The following NDUFB2 variants were observed in gnomAD, a reference collection of about 807,000 sequenced individuals.
The protein encoded by NDUFB2 is NADH dehydrogenase [ubiquinone] 1 beta subcomplex subunit 2, mitochondrial.
Under a neutral mutation model 13.4 loss-of-function variants are expected in NDUFB2, and 13 were observed. The observed-to-expected ratio is 0.97, with a 90% CI of 0.63 to 1.54. The LOEUF is 1.54. Ranked by LOEUF, NDUFB2 falls within the 40% of genes most tolerant of loss-of-function variation. The pLI, the probability that NDUFB2 is intolerant of heterozygous loss-of-function variation, is 0.00. For synonymous variants in NDUFB2, 47 were observed against 50.6 expected, an observed-to-expected ratio of 0.93 and a Z score of 0.30; for missense variants, 150 against 139.7, an observed-to-expected ratio of 1.07 and a Z score of -0.37.
In NDUFB2 at chr7:140,702,975, C is replaced by G; in HGVS notation, c.208C>G (p.Leu70Val). 3.1e-6 allele frequency: 5 copies of G among 1,613,914 alleles called. No homozygotes were observed. The highest frequency in any genetic ancestry group is 4.2e-6 in the Non-Finnish European group (5 of 1,180,014). Residue 70 changes from leucine to valine, a missense_variant, in exon 2 of 4, where the codon CTC becomes GTC. Transcript: ENST00000247866. ...CAGCGGACTCATGTGGTTCTGGATTCTCTGGCGCTTTTGGCATGACTCAGA... is the reference window on the plus strand; with the variant it reads ...CAGCGGACTCATGTGGTTCTGGATTGTCTGGCGCTTTTGGCATGACTCAGA... ...FFSGLMWFWI[L>V]WRFWHDSEEV...
intron 2 of NDUFB2, 65 bp downstream of exon 2, chr7:140,703,075 G>GT (rs753804050): frequency 6.3e-7 from 1 of 1,583,048 alleles, no homozygotes; most frequent in Non-Finnish European, 8.6e-7. Flanking sequence ...TTAATAGCTT[G>GT]TTTATTTTTC....
intron 1 of NDUFB2, chr7:140,697,406 A>G (rs368702585): frequency 2.6e-5 from 18 of 702,766 alleles, no homozygotes; most frequent in African/African-American, 1.9e-4. Context: ...GAGGAGCAGA[A>G]AGCCGGAAGC....
intron 1 of NDUFB2, among the ~76,000 whole-genome samples, chr7:140,702,253 TATA>T (rs1413632599): frequency 6.6e-6 from 1 of 152,236 alleles, no homozygotes; most frequent in Non-Finnish European, 1.5e-5. Flanking sequence ...AGATGCAACG[TATA>T]ATATTTATAC....
intron 1 of NDUFB2, chr7:140,700,991 G>A (rs1794889706): frequency 2.0e-5 from 3 of 151,978 alleles, no homozygotes; most frequent in Non-Finnish European, 4.4e-5. Context: ...ACTTAAAAAA[G>A]TACATATATA....
chr7:140,703,069 T>C (rs1375603727), intron 2 of NDUFB2, 59 bp downstream of exon 2: 1 of 1,583,600 alleles, frequency 6.3e-7, no homozygotes, highest in Non-Finnish European at 8.6e-7. Context: ...GATGTATTAA[T>C]AGCTTGTTTA....
chr7:140,706,050 TATG>T (rs770327631), intron 3 of NDUFB2: 258 of 146,188 alleles, frequency 1.8e-3, no homozygotes, highest in African/African-American at 5.8e-3. Context: ...TATGTTATGT[TATG>T]TTATGTTTTA....
chr7:140,702,768 CATT>C (rs1310050825), intron 1 of NDUFB2, 95 bp from the exon 2 acceptor site: 5 of 1,344,454 alleles, frequency 3.7e-6, no homozygotes, highest in Middle Eastern at 2.7e-4. Flanking sequence ...AGATGAGAAA[CATT>C]AGCGTTGGTT....
intron 2 of NDUFB2, 26 bp downstream of exon 2, chr7:140,703,036 C>G: frequency 6.2e-7 from 1 of 1,601,334 alleles, no homozygotes. Flanking sequence ...GAGCACTTGT[C>G]GTTTTTTGGG....
intron 1 of NDUFB2, chr7:140,701,821 AGC>A: frequency 2.4e-6 from 1 of 420,610 alleles, no homozygotes; most frequent in Non-Finnish European, 4.3e-6. Flanking sequence ...CTGTAGTCCC[AGC>A]TACTTGGGAG....
chr7:140,698,085 C>G, intron 1 of NDUFB2: 2 of 1,340,878 alleles, frequency 1.5e-6, no homozygotes, highest in African/African-American at 1.5e-5. Flanking sequence ...GAACTGAGGC[C>G]CAGGAAATGA....
chr7:140,703,905 G>A (rs536842858), intron 2 of NDUFB2, among the ~76,000 whole-genome samples: 8 of 152,078 alleles, frequency 5.3e-5, no homozygotes, highest in Admixed American at 3.3e-4. Context: ...GCAGGTGCCC[G>A]CCACCACTCC....
At chr7:140,699,341 G>A (rs1794864909) in intron 1 of NDUFB2, among the ~76,000 whole-genome samples, 1 of 151,962 alleles carries the variant, frequency 6.6e-6, no homozygotes, top group African/African-American at 2.4e-5. Flanking sequence ...TTGATCTTGA[G>A]CTTGTTTTCC....
At chr7:140,697,285 C>T (rs1349630017) in intron 1 of NDUFB2, 2 of 702,358 alleles carry the variant, frequency 2.8e-6, no homozygotes, top group African/African-American at 3.5e-5. Context: ...AGGGTAGAGT[C>T]TGTTCGGCAG....
At chr7:140,704,299 T>C (rs1176375102) in intron 2 of NDUFB2, among the ~76,000 whole-genome samples, 4 of 152,204 alleles carry the variant, frequency 2.6e-5, no homozygotes, top group African/African-American at 7.2e-5. Context: ...TGTGCCGTTG[T>C]CCTTCAGTAA....
intron 1 of NDUFB2, chr7:140,701,234 A>G (rs1448553811): frequency 6.6e-6 from 1 of 152,256 alleles, no homozygotes; most frequent in African/African-American, 2.4e-5. Context: ...TCTGTAGGCA[A>G]CAGCTTAGGC....
chr7:140,702,158 T>C, intron 1 of NDUFB2: 1 of 644,462 alleles, frequency 1.6e-6, no homozygotes, highest in Non-Finnish European at 2.8e-6. Flanking sequence ...CTTAAAAATT[T>C]TTTATCCACT....
Position 140,702,911 on chromosome 7 carries a change from C to G in NDUFB2, c.144C>G (p.Pro48=). 1 of 1,614,106 alleles carries G rather than the reference C, an allele frequency of 6.2e-7. No individual in the cohort carries two copies. The highest frequency in any genetic ancestry group is 8.5e-7 in the Non-Finnish European group (1 of 1,180,030). ...TTGAGCCCCGGTATAGACAGTTCCC[C>G]CAGCTGACCAGATCCCAGGTGTTCC... is the stretch of plus-strand genomic sequence containing the variant. ...VHIEPRYRQF[P]QLTRSQVFQS... The change falls in exon 2 of 4, where the codon CCC becomes CCG. Residue 48 remains proline, a synonymous_variant. Coordinates refer to ENST00000247866, the MANE Select transcript of NDUFB2 (RefSeq NM_004546.3).
At chr7:140,698,733 C>T (rs1461267954) in intron 1 of NDUFB2, among the ~76,000 whole-genome samples, 2 of 151,986 alleles carry the variant, frequency 1.3e-5, no homozygotes, top group African/African-American at 4.8e-5. Context: ...TGGGAGAGAC[C>T]AGGTCACAGG....
At chr7:140,700,738 A>C in intron 1 of NDUFB2, 1 of 151,904 alleles carries the variant, frequency 6.6e-6, no homozygotes, top group East Asian at 2.0e-4. Context: ...CAGTGAGCCA[A>C]GATTGTGTCA....
Sources: gnomAD v4.1 joint callset for allele counts (sites outside exome capture counted in the v4.1 genomes callset) on GRCh38, gnomAD v4.1.1 for gene constraint, MANE v1.5 for transcripts, NCBI Gene and HGNC (gene_info 2026-07-23, HGNC 2026-07-21) for gene names.